Variants in NEDD4L observed in about 807,000 individuals in gnomAD.
NEDD4L encodes the protein E3 ubiquitin-protein ligase NEDD4-like.
A neutral mutation model predicts 148.9 loss-of-function variants in NEDD4L; 54 were observed. The observed-to-expected ratio is 0.36, with a 90% CI of 0.29 to 0.45. The LOEUF (loss-of-function observed/expected upper bound fraction) is 0.45, where lower values mean the gene tolerates loss of function less well. Among genes scored for constraint, NEDD4L ranks in the 20% least tolerant of loss-of-function variants. NEDD4L has a pLI of 1.00. For synonymous variants in NEDD4L, 433 were observed against 440.7 expected (o/e 0.98, Z 0.22); for missense variants, 856 against 1,233.8 (o/e 0.69, Z 4.59).
chr18:58,380,736 A>G (rs1182660659), intron 24 of NEDD4L, among the ~76,000 whole-genome samples: 1 of 151,982 alleles, frequency 6.6e-6, no homozygotes, highest in Non-Finnish European at 1.5e-5. Context: ...CCTCCACCCC[A>G]TGACAGGCCC....
chr18:58,286,664 T>C (rs914297378), intron 5 of NEDD4L, among the ~76,000 whole-genome samples: 1 of 152,212 alleles, frequency 6.6e-6, no homozygotes, highest in African/African-American at 2.4e-5. Flanking sequence ...ATCATGTTCA[T>C]GATAATCCCA....
intron 19 of NEDD4L, among the ~76,000 whole-genome samples, chr18:58,361,739 C>T (rs958154851): frequency 6.6e-6 from 1 of 152,188 alleles, no homozygotes; most frequent in African/African-American, 2.4e-5. Flanking sequence ...GTACCCAAAA[C>T]AGGAACACAG....
intron 2 of NEDD4L, among the ~76,000 whole-genome samples, chr18:58,189,270 G>A (rs2039824305): frequency 1.3e-5 from 2 of 152,168 alleles, no homozygotes; most frequent in African/African-American, 4.8e-5. Context: ...CCCAGCTGGT[G>A]CATTCCCCAC....
chr18:58,110,838 G>GT (rs1859648637), intron 1 of NEDD4L, among the ~76,000 whole-genome samples: 1 of 152,098 alleles, frequency 6.6e-6, no homozygotes, highest in African/African-American at 2.4e-5. Flanking sequence ...ATGCCTTTGT[G>GT]CGCAGGCAGA....
chr18:58,318,104 T>C (rs1239338995), intron 6 of NEDD4L, among the ~76,000 whole-genome samples: 1 of 152,210 alleles, frequency 6.6e-6, no homozygotes, highest in South Asian at 2.1e-4. Context: ...GTTTGTGTGA[T>C]AGCACACAGG....
chr18:58,148,137 A>G (rs796688522), intron 1 of NEDD4L, among the ~76,000 whole-genome samples: 35 of 150,740 alleles, frequency 2.3e-4, no homozygotes, highest in African/African-American at 8.3e-4. Flanking sequence ...GGTGACTTCA[A>G]CAACAGAAAT....
intron 1 of NEDD4L, among the ~76,000 whole-genome samples, chr18:58,112,020 A>G (rs1001931597): frequency 2.0e-5 from 3 of 152,240 alleles, no homozygotes; most frequent in African/African-American, 7.2e-5. Flanking sequence ...CCAAACTTAG[A>G]TCACATTTCT....
At chr18:58,133,989 CTTTATTTTTATTT>C (rs934458636) in intron 1 of NEDD4L, among the ~76,000 whole-genome samples, 53 of 152,076 alleles carry the variant, frequency 3.5e-4, no homozygotes, top group African/African-American at 1.3e-3. Flanking sequence ...GCTTAATATT[CTTTATTTTTATTT>C]TTTATTTTTA....
intron 2 of NEDD4L, among the ~76,000 whole-genome samples, chr18:58,238,928 ATTTTTC>A (rs1460410194): frequency 6.6e-6 from 1 of 152,140 alleles, no homozygotes. Context: ...ATTCATGGAT[ATTTTTC>A]TTCTCACACA....
chr18:58,085,827 G>A (rs764404325), intron 1 of NEDD4L, among the ~76,000 whole-genome samples: 3 of 152,160 alleles, frequency 2.0e-5, no homozygotes, highest in Non-Finnish European at 2.9e-5. Flanking sequence ...ATTAACAGCT[G>A]ATTCTCCTAA....
intron 1 of NEDD4L, chr18:58,149,575 A>G (rs1291633869): frequency 6.6e-7 from 1 of 1,521,676 alleles, no homozygotes; most frequent in South Asian, 1.2e-5. Flanking sequence ...ACTCGGTAAG[A>G]CTTTGCTTGG....
chr18:58,323,439 T>TA lies in NEDD4L; in HGVS notation c.513+113dup, dbSNP rs980991772. 70 of 683,500 alleles carry TA rather than the reference T, an allele frequency of 1.0e-4. 1 individual carries two copies. Among genetic ancestry groups the TA allele is most frequent in the South Asian group, 3.3e-4 (19 of 57,052 alleles). The allele number at this position is 683,500 out of a possible 1,614,324, so 42.3% of individuals were successfully genotyped here. A position where few individuals can be genotyped will look rare whatever the true frequency, so the allele number is the denominator to read the frequency against. On this transcript the variant is annotated intron_variant, in intron 8 of 30. Transcript: ENST00000400345. ...AATAAAAGTTTAGAAAGCTTAAATA[T>TA]AAAAAAAAGTACATATGTCCGCAAA...
Position 58,342,993 on chromosome 18 carries a change from A to G in NEDD4L, c.1465A>G (p.Lys489Glu). The change falls in exon 16 of 31, where the codon AAA (lysine) becomes GAA (glutamate). Residue 489 changes from lysine (K) to glutamate (E), a missense_variant. This residue lies in a region of NEDD4L where 367 missense variants were observed against 422.7 expected (regional missense o/e 0.87). Transcript: ENST00000400345. ...ACAGCCATCACCTTACAACTCCCCC[A>G]AACCACAACACAAAGTCACACAGAG... The part of the protein sequence containing the change: ...SPQPSPYNSP[K>E]PQHKVTQSFL... 6.2e-7 allele frequency: 1 copy of G among 1,613,882 alleles called. No individual in the cohort carries two copies. Among genetic ancestry groups the G allele is most frequent in the Non-Finnish European group, 8.5e-7 (1 of 1,179,850 alleles).
rs1271823340 is a variant in NEDD4L, at chr18:58,079,229, A to AT, written c.48+34527dup. Among the ~76,000 whole-genome samples the AT allele has an allele frequency of 3.9e-5, 6 of 151,982 alleles. No individual in the cohort carries two copies. In the South Asian group the frequency reaches 6.2e-4, roughly 16 times the overall value. The stretch of plus-strand genomic sequence containing the variant: ...AATGTCTCTGATTGTAATTTCCTTC[A>AT]TTTTTTCATATCTAAAATGAAAGAG... On this transcript the variant is annotated intron_variant, in intron 1 of 30. Coordinates refer to ENST00000400345, the MANE Select transcript of NEDD4L (RefSeq NM_001144967.3).
chr18:58,195,754 C>T (rs765944790), intron 2 of NEDD4L: 37 of 1,328,618 alleles, frequency 2.8e-5, no homozygotes, highest in Admixed American at 2.1e-4. Flanking sequence ...CCGAAGGTTC[C>T]GTTCCCTTTA....
At chr18:58,244,757 G>A (rs1488735441) in intron 2 of NEDD4L, among the ~76,000 whole-genome samples, 1 of 152,140 alleles carries the variant, frequency 6.6e-6, no homozygotes, top group Non-Finnish European at 1.5e-5. Context: ...GTGCAGTAGT[G>A]TGATCTTGGC....
intron 5 of NEDD4L, among the ~76,000 whole-genome samples, chr18:58,275,541 G>A (rs1233903631): frequency 6.6e-6 from 1 of 152,178 alleles, no homozygotes; most frequent in Non-Finnish European, 1.5e-5. Context: ...ACACAGGCCA[G>A]GTTATATGTC....
chr18:58,223,045 T>C (rs2043943182), intron 2 of NEDD4L, among the ~76,000 whole-genome samples: 1 of 151,940 alleles, frequency 6.6e-6, no homozygotes, highest in South Asian at 2.1e-4. Flanking sequence ...CCTTTTTTTT[T>C]TTTTTTTAAA....
chr18:58,246,266 G>A (rs906420831), intron 3 of NEDD4L, among the ~76,000 whole-genome samples: 15 of 152,092 alleles, frequency 9.9e-5, no homozygotes, highest in African/African-American at 3.1e-4. Flanking sequence ...GGAGCTGTTT[G>A]TGGAATTGGT....
Sources: gnomAD v4.1 joint callset for allele counts (sites outside exome capture counted in the v4.1 genomes callset) on GRCh38, gnomAD v4.1.1 for gene constraint, gnomAD v4.1.1 regional missense constraint, MANE v1.5 for transcripts, NCBI Gene and HGNC (gene_info 2026-07-23, HGNC 2026-07-21) for gene names.